ASIC2: variants seen among roughly 807,000 people sequenced by gnomAD.
ASIC2 encodes acid sensing ion channel subunit 2, also known as acid-sensing ion channel 2.
Under a neutral mutation model 57.3 loss-of-function variants are expected in ASIC2, and 25 were observed. The observed-to-expected ratio is 0.44, with a 90% CI of 0.32 to 0.61. The LOEUF is 0.61. ASIC2 is among the 20% of genes least tolerant of loss of function. The pLI, the probability that ASIC2 is intolerant of heterozygous loss-of-function variation, is 0.06. For missense variants in ASIC2, 641 were observed against 738.1 expected, an observed-to-expected ratio of 0.87 and a Z score of 1.52; for synonymous variants, 319 against 307.5, an observed-to-expected ratio of 1.04 and a Z score of -0.39.
At position 33,832,743 on chromosome 17, in the gene ASIC2, T is replaced by C. The variant is rs1285487751; in HGVS notation, c.555+323235A>G. Reference sequence around the variant, plus strand: ...CCACAGGATCCAGCAACTCCATTTCTAGAATATATTTACTCCAGATCAATG... The same window carrying C: ...CCACAGGATCCAGCAACTCCATTTCCAGAATATATTTACTCCAGATCAATG... On this transcript the variant is annotated intron_variant, in intron 1 of 9. Coordinates refer to the ASIC2 transcript ENST00000359872. 3.9e-5 allele frequency among the ~76,000 whole-genome samples: 6 copies of C among 152,218 alleles called. No homozygotes were observed. In the South Asian group the frequency reaches 1.0e-3, roughly 26 times the overall value.
chr17:33,398,606 G>A (rs372793763), intron 1 of ASIC2, among the ~76,000 whole-genome samples: 1 of 151,986 alleles, frequency 6.6e-6, no homozygotes, highest in Non-Finnish European at 1.5e-5. Context: ...TGATGATGAT[G>A]GTGATTATGG....
chr17:33,299,865 A>G (rs1010950438), intron 1 of ASIC2, among the ~76,000 whole-genome samples: 3 of 152,160 alleles, frequency 2.0e-5, no homozygotes, highest in Non-Finnish European at 2.9e-5. Flanking sequence ...GGAGCTGGGT[A>G]TAAAATATAA....
intron 1 of ASIC2, among the ~76,000 whole-genome samples, chr17:33,871,516 C>T (rs376041362): frequency 2.6e-5 from 4 of 152,202 alleles, no homozygotes; most frequent in Non-Finnish European, 5.9e-5. Context: ...GGGCAGGGAG[C>T]GGCTAGGAAG....
chr17:33,703,934 C>T (rs1479123501), intron 1 of ASIC2, among the ~76,000 whole-genome samples: 1 of 152,200 alleles, frequency 6.6e-6, no homozygotes, highest in East Asian at 1.9e-4. Context: ...CTTTCACAAT[C>T]CTATGCATCA....
intron 1 of ASIC2, among the ~76,000 whole-genome samples, chr17:33,360,941 T>C (rs1003028154): frequency 6.6e-6 from 1 of 152,192 alleles, no homozygotes; most frequent in Admixed American, 6.5e-5. Flanking sequence ...ATCTCAGCAT[T>C]GTTCCAAAAC....
At chr17:33,808,469 A>C (rs1912329497) in intron 1 of ASIC2, among the ~76,000 whole-genome samples, 1 of 152,218 alleles carries the variant, frequency 6.6e-6, no homozygotes, top group African/African-American at 2.4e-5. Flanking sequence ...TCAGTCTTCC[A>C]ACATTGTTCT....
At chr17:33,058,897 AAT>A (rs1281556935) in intron 3 of ASIC2, among the ~76,000 whole-genome samples, 4 of 152,210 alleles carry the variant, frequency 2.6e-5, no homozygotes, top group African/African-American at 7.2e-5. Context: ...AGTGTTCAAC[AAT>A]AGAGAGATGA....
chr17:33,532,030 G>T (rs960097290), intron 1 of ASIC2, among the ~76,000 whole-genome samples: 2 of 152,060 alleles, frequency 1.3e-5, no homozygotes, highest in African/African-American at 4.8e-5. Flanking sequence ...TTTTTTATTG[G>T]CCATCTGTCC....
chr17:33,787,566 A>G (rs1911642997), intron 1 of ASIC2, among the ~76,000 whole-genome samples: 1 of 152,236 alleles, frequency 6.6e-6, no homozygotes, highest in African/African-American at 2.4e-5. Context: ...CATGTTCTCT[A>G]ACAGGTGCCA....
chr17:33,530,680 T>C (rs1264301228), intron 1 of ASIC2, among the ~76,000 whole-genome samples: 2 of 152,186 alleles, frequency 1.3e-5, no homozygotes, highest in Admixed American at 1.3e-4. Flanking sequence ...GGTTGGAACC[T>C]AAAATACTGA....
At chr17:33,091,847 C>T (rs2092158811) in intron 2 of ASIC2, among the ~76,000 whole-genome samples, 1 of 152,214 alleles carries the variant, frequency 6.6e-6, no homozygotes, top group African/African-American at 2.4e-5. Flanking sequence ...GTGCTATTCC[C>T]TGTGCTGCCC....
intron 1 of ASIC2, among the ~76,000 whole-genome samples, chr17:33,330,446 G>C (rs1301780827): frequency 6.6e-6 from 1 of 152,128 alleles, no homozygotes; most frequent in Non-Finnish European, 1.5e-5. Flanking sequence ...CGTGTATTGA[G>C]CCAGTCTCTG....
At chr17:33,039,894 A>G (rs1011626506) in intron 3 of ASIC2, among the ~76,000 whole-genome samples, 9 of 152,058 alleles carry the variant, frequency 5.9e-5, no homozygotes, top group African/African-American at 1.9e-4. Flanking sequence ...ACCCTTTTCC[A>G]GGAGCAGAAT....
intron 1 of ASIC2, among the ~76,000 whole-genome samples, chr17:33,544,193 T>C (rs1915509372): frequency 6.6e-6 from 1 of 152,232 alleles, no homozygotes; most frequent in South Asian, 2.1e-4. Flanking sequence ...GATTCATCCA[T>C]GTGGTCGCCT....
At chr17:33,079,238 A>G (rs1319208483) in intron 3 of ASIC2, among the ~76,000 whole-genome samples, 3 of 152,240 alleles carry the variant, frequency 2.0e-5, no homozygotes, top group African/African-American at 4.8e-5. Flanking sequence ...GGGGAGATAG[A>G]TAAGTAAACA....
chr17:33,519,599 C>T (rs867379063), intron 1 of ASIC2, among the ~76,000 whole-genome samples: 6 of 152,098 alleles, frequency 3.9e-5, no homozygotes, highest in East Asian at 1.9e-4. Flanking sequence ...AAGTGGGTCT[C>T]GGCTCACTGT....
intron 1 of ASIC2, among the ~76,000 whole-genome samples, chr17:33,412,507 G>A (rs774748829): frequency 1.3e-5 from 2 of 152,186 alleles, no homozygotes; most frequent in African/African-American, 4.8e-5. Flanking sequence ...CAGAGAGGAA[G>A]GCTCAGAGAA....
intron 1 of ASIC2, among the ~76,000 whole-genome samples, chr17:33,895,924 T>C (rs1168916772): frequency 6.6e-6 from 1 of 152,194 alleles, no homozygotes; most frequent in Non-Finnish European, 1.5e-5. Flanking sequence ...TACACTTAAC[T>C]TATTTGAGTC....
intron 1 of ASIC2, among the ~76,000 whole-genome samples, chr17:33,256,355 A>T (rs1909069924): frequency 6.6e-6 from 1 of 152,246 alleles, no homozygotes; most frequent in African/African-American, 2.4e-5. Context: ...CAGTGTGCAA[A>T]GAAAAAAAAG....
Sources: allele counts gnomAD v4.1 joint callset (sites outside exome capture counted in the v4.1 genomes callset), GRCh38; gene constraint gnomAD v4.1.1; transcripts MANE v1.5; gene names NCBI Gene and HGNC (gene_info 2026-07-23, HGNC 2026-07-21).